The following RPLP0 variants were observed in gnomAD, a reference collection of about 807,000 sequenced individuals.
RPLP0 encodes large ribosomal subunit protein uL10.
For missense variants in RPLP0, 276 were observed against 402.9 expected (o/e 0.69, Z 2.70); for synonymous variants, 137 against 153.4 (o/e 0.89, Z 0.79).
chr12:120,199,359 T>C lies in RPLP0; in HGVS notation c.181A>G (p.Met61Val), dbSNP rs1203342204. Residue 61 changes from methionine (M) to valine (V), a missense_variant, in exon 3 of 8, where the codon ATG becomes GTG. Physicochemically the swap from Met to Val is conservative, Grantham distance 21. Transcript: ENST00000392514. ...AGGTGCCCTCGGATGGCCTTGCGCA[T>C]CATGGTGTTCTTGCCCATCAGCACC... ...AVVLMGKNTM[M>V]RKAIRGHLEN... The C allele has an allele frequency of 6.2e-7, 1 of 1,614,182 alleles. No homozygotes were observed. Among genetic ancestry groups the C allele is most frequent in the Non-Finnish European group, 8.5e-7 (1 of 1,180,028 alleles).
chr12:120,197,284 C>G (rs541034111), intron 7 of RPLP0, 38 bp downstream of exon 7: 3 of 1,593,698 alleles, frequency 1.9e-6, no homozygotes, highest in East Asian at 2.2e-5. Flanking sequence ...TAATTTGTCA[C>G]AGTCAGGCCC....
intron 1 of RPLP0, 26 bp downstream of exon 1, chr12:120,201,057 G>A: frequency 4.5e-6 from 2 of 443,474 alleles, no homozygotes; most frequent in Non-Finnish European, 7.9e-6. Context: ...GGCGACCCCT[G>A]GCGCCCATCT....
chr12:120,198,341 G>C lies in RPLP0; in HGVS notation c.651+213C>G, dbSNP rs1197045784. 3.7e-6 allele frequency: 2 copies of C among 543,428 alleles called. No individual in the cohort carries two copies. Among genetic ancestry groups the C allele is most frequent in the Admixed American group, 6.3e-5 (2 of 31,546 alleles). 33.7% of individuals were successfully genotyped at this position (543,428 alleles called of 1,614,324 possible). ...GGAGCTTGCAGTGAGCCGGGAGATT[G>C]TGCCACTGCACTCCAGCCTGGGCGA... On this transcript the variant is annotated intron_variant, in intron 6 of 7. Transcript: ENST00000392514. The surrounding 1 kb of genome is among the most constrained non-coding windows in gnomAD (Gnocchi z 4.1).
chr12:120,199,505 G>A lies in RPLP0; in HGVS notation c.55-20C>T. 1 of 1,609,902 alleles carries A rather than the reference G, an allele frequency of 6.2e-7. No individual in the cohort carries two copies. The highest frequency in any genetic ancestry group is 8.5e-7 in the Non-Finnish European group (1 of 1,178,136). ...TAGTTGCTACAAAAAACAAGCCAGA[G>A]GAGCCAAGTTTAACAGGAAGAGAGA... On this transcript the variant is annotated intron_variant, in intron 2 of 7. Transcript: ENST00000392514.
chr12:120,197,866 T>G (rs1478688893), intron 6 of RPLP0: 7 of 169,650 alleles, frequency 4.1e-5, no homozygotes, highest in East Asian at 1.6e-4. Flanking sequence ...TTATATACAT[T>G]AATTTCAATT....
At chr12:120,200,352 A>C (rs1246378988) in intron 2 of RPLP0, 2 of 322,824 alleles carry the variant, frequency 6.2e-6, no homozygotes, top group Non-Finnish European at 1.2e-5. Flanking sequence ...AATCCCAGCT[A>C]CTCGGGAGGC....
At position 120,200,723 on chromosome 12, in the gene RPLP0, C is replaced by G. The variant is rs535872908; in HGVS notation, c.54+7G>C. The G allele has an allele frequency of 1.2e-4, 192 of 1,610,042 alleles. 4 individuals are homozygous for G. The South Asian group carries it at 2.0e-3, about 16-fold the overall frequency. On this transcript the variant is annotated splice_region_variant and intron_variant, in intron 2 of 7. Transcript: ENST00000392514. ...TGAAGAGCAGAGGCGACCCACCCTGCACTTACGATGATCTTAAGGAAGTAG... is the reference window on the plus strand; with the variant it reads ...TGAAGAGCAGAGGCGACCCACCCTGGACTTACGATGATCTTAAGGAAGTAG...
intron 3 of RPLP0, 46 bp downstream of exon 3, chr12:120,199,264 G>A: frequency 1.2e-6 from 2 of 1,613,642 alleles, no homozygotes; most frequent in Non-Finnish European, 1.7e-6. Flanking sequence ...CAGGAAGAGG[G>A]AGACGGGCAC....
chr12:120,197,563 G>A (rs1286829107), intron 6 of RPLP0, 101 bp from the exon 7 acceptor site: 3 of 1,403,568 alleles, frequency 2.1e-6, no homozygotes, highest in East Asian at 2.5e-5. Context: ...TAATTGCCAG[G>A]TTGGCAGCTC....
intron 4 of RPLP0, 34 bp from the exon 5 acceptor site, chr12:120,199,034 T>C: frequency 3.1e-6 from 5 of 1,613,762 alleles, no homozygotes; most frequent in Non-Finnish European, 4.2e-6. Flanking sequence ...GAAAAGCCTC[T>C]CCACTCACAC....
intron 4 of RPLP0, 38 bp downstream of exon 4, chr12:120,199,080 C>T (rs770480879): frequency 6.2e-7 from 1 of 1,610,946 alleles, no homozygotes; most frequent in South Asian, 1.1e-5. Context: ...TAAGGAGCAA[C>T]AACAAAGTCT....
At chr12:120,199,992 T>C in intron 2 of RPLP0, 1 of 456,092 alleles carries the variant, frequency 2.2e-6, no homozygotes, top group South Asian at 1.5e-5. Context: ...TCTACAATGC[T>C]GCCTAATTGC....
rs145990077 is a variant in RPLP0 at position 120,200,849 on chromosome 12, G to A, written c.-48-18C>T. 858 of 1,576,966 alleles carry A rather than the reference G, an allele frequency of 5.4e-4. 6 individuals carry two copies. The East Asian group carries it at 0.015, about 28-fold the overall frequency. On this transcript the variant is annotated intron_variant, in intron 1 of 7. Coordinates refer to ENST00000392514, the MANE Select transcript of RPLP0 (RefSeq NM_001002.4). ...CGATGTCACTGAGGAGAGACAGGGA[G>A]CTCAGGCCTGGTCACGCCGACACCC...
intron 2 of RPLP0, chr12:120,200,386 C>T: frequency 3.0e-6 from 1 of 330,496 alleles, no homozygotes; most frequent in Non-Finnish European, 5.8e-6. Context: ...TCGCTTGAAC[C>T]TGGGAAGCGG....
intron 6 of RPLP0, 127 bp from the exon 7 acceptor site, chr12:120,197,589 C>G (rs921220336): frequency 1.9e-6 from 2 of 1,040,766 alleles, no homozygotes; most frequent in Admixed American, 4.4e-5. Flanking sequence ...CAAGAGAGGC[C>G]ATTTCATCTC....
chr12:120,198,452 G>T lies in RPLP0; in HGVS notation c.651+102C>A. 8.1e-7 allele frequency: 1 copy of T among 1,227,414 alleles called. No homozygotes were observed. The highest frequency in any genetic ancestry group is 1.2e-6 in the Non-Finnish European group (1 of 843,912). 76.0% of individuals were successfully genotyped at this position (1,227,414 alleles called of 1,614,324 possible). A position where few individuals can be genotyped will look rare whatever the true frequency, so the allele number is the denominator to read the frequency against. On this transcript the variant is annotated intron_variant, in intron 6 of 7. Coordinates refer to ENST00000392514, the MANE Select transcript of RPLP0 (RefSeq NM_001002.4). The surrounding 1 kb of genome is among the most constrained non-coding windows in gnomAD (Gnocchi z 4.1). ...TACTGACATTTTACAGATGAGGTAG[G>T]TAGACAGATGAAAACACAGTCCTTG...
rs758143820 is a variant in RPLP0 at position 120,196,949 on chromosome 12, G to A, written c.793-15C>T. 3 of 1,613,000 alleles carry A rather than the reference G, an allele frequency of 1.9e-6. No homozygotes were observed. The highest frequency in any genetic ancestry group is 1.1e-5 in the South Asian group (1 of 90,768). On this transcript the variant is annotated splice_polypyrimidine_tract_variant and intron_variant, in intron 7 of 7. Coordinates refer to ENST00000392514, the MANE Select transcript of RPLP0 (RefSeq NM_001002.4). ...AAGGCCTTGACCTGAAAGGAGGGGG[G>A]AAGTGGTCAAAATGGTCATCCACAC...
Position 120,196,735 on chromosome 12 carries a change from T to C in RPLP0, c.*38A>G. 6.5e-7 allele frequency: 1 copy of C among 1,526,974 alleles called. No homozygotes were observed. Among genetic ancestry groups the C allele is most frequent in the Non-Finnish European group, 8.8e-7 (1 of 1,136,510 alleles). The allele number at this position is 1,526,974 out of a possible 1,614,324, so 94.6% of individuals were successfully genotyped here. On this transcript the variant is annotated 3_prime_UTR_variant, in exon 8 of 8. Coordinates refer to ENST00000392514, the MANE Select transcript of RPLP0 (RefSeq NM_001002.4). ...GAAGTAAGCCTTTATTTCCTTGTTT[T>C]GCAAATAAAACTGGCTAAGTTGGTT...
In RPLP0 at chr12:120,198,320, C is replaced by T. The variant is rs1423932348; in HGVS notation, c.651+234G>A. 1.4e-5 allele frequency: 7 copies of T among 495,204 alleles called. No individual in the cohort carries two copies. In the East Asian group the frequency reaches 2.6e-4, roughly 18 times the overall value. 30.7% of individuals were successfully genotyped at this position (495,204 alleles called of 1,614,324 possible). A position where few individuals can be genotyped will look rare whatever the true frequency, so the allele number is the denominator to read the frequency against. On this transcript the variant is annotated intron_variant, in intron 6 of 7. Transcript: ENST00000392514. This position sits in a 1 kb window ranked among gnomAD's most constrained non-coding sequence, Gnocchi z 4.1. ...GAATGGTGTGAACCCGGAGGCGGAGCTTGCAGTGAGCCGGGAGATTGTGCC... is the reference window on the plus strand; with the variant it reads ...GAATGGTGTGAACCCGGAGGCGGAGTTTGCAGTGAGCCGGGAGATTGTGCC...
Sources: gnomAD v4.1 joint callset for allele counts on GRCh38, gnomAD v4.1.1 for gene constraint, Gnocchi (gnomAD v3.1) non-coding constraint, MANE v1.5 for transcripts, NCBI Gene and HGNC (gene_info 2026-07-23, HGNC 2026-07-21) for gene names.